Variants in ZCWPW2 observed in about 807,000 individuals in gnomAD.
The protein encoded by ZCWPW2 is zinc finger CW-type and PWWP domain containing 2, also known as zinc finger CW-type PWWP domain protein 2.
A neutral mutation model predicts 46.6 loss-of-function variants in ZCWPW2; 45 were observed. That is an observed-to-expected ratio of 0.96 (90% CI 0.76 to 1.24). The LOEUF is 1.24. Ranked by LOEUF, ZCWPW2 falls within the 50% of genes most tolerant of loss-of-function variation. The probability of loss-of-function intolerance (pLI) is 0.00; values close to 1 mark genes in which losing one functional copy is unlikely to be tolerated. For synonymous variants in ZCWPW2, 152 were observed against 137.1 expected (o/e 1.11, Z -0.76); for missense variants, 429 against 403.9 (o/e 1.06, Z -0.53).
In ZCWPW2 at chr3:28,411,668, A is replaced by T. The variant is rs548871462; in HGVS notation, c.-13-1388A>T. The stretch of plus-strand genomic sequence containing the variant: ...CTGGCTCCAAAGTCTAACCTCAGTC[A>T]CTTCTGCTTTACTGACTGGTGACCC... On this transcript the variant is annotated intron_variant, in intron 2 of 9. Coordinates refer to ENST00000383768, the MANE Select transcript of ZCWPW2 (RefSeq NM_001040432.4). Among the ~76,000 whole-genome samples, 4 of 152,228 alleles carry T rather than the reference A, an allele frequency of 2.6e-5. No homozygotes were observed. In the South Asian group the frequency reaches 8.3e-4, roughly 31 times the overall value.
chr3:28,403,207 A>T (rs991846765), intron 2 of ZCWPW2, among the ~76,000 whole-genome samples: 1 of 152,204 alleles, frequency 6.6e-6, no homozygotes, highest in African/African-American at 2.4e-5. Flanking sequence ...AAGTTTCAGG[A>T]TACAGAATTA....
intron 4 of ZCWPW2, among the ~76,000 whole-genome samples, chr3:28,449,528 G>T (rs1166795366): frequency 6.6e-6 from 1 of 152,134 alleles, no homozygotes; most frequent in Non-Finnish European, 1.5e-5. Context: ...GGGAAGTAGA[G>T]AATAGGAAGT....
chr3:28,446,253 T>G (rs1190906361), intron 4 of ZCWPW2, among the ~76,000 whole-genome samples: 1 of 152,142 alleles, frequency 6.6e-6, no homozygotes, highest in Non-Finnish European at 1.5e-5. Flanking sequence ...GGACATTTTC[T>G]ACAATAGATG....
At chr3:28,381,988 C>T (rs781560829) in intron 1 of ZCWPW2, among the ~76,000 whole-genome samples, 1 of 152,004 alleles carries the variant, frequency 6.6e-6, no homozygotes, top group Admixed American at 6.5e-5. Context: ...CATGGAGAAG[C>T]CCCATCTCTA....
Position 28,378,122 on chromosome 3 carries a change from A to G in ZCWPW2, c.-133-12376A>G, listed in dbSNP as rs1276770183. Among the ~76,000 whole-genome samples, 6 of 152,234 alleles carry G rather than the reference A, an allele frequency of 3.9e-5. No homozygotes were observed. The East Asian group carries it at 9.6e-4, about 24-fold the overall frequency. On this transcript the variant is annotated intron_variant, in intron 1 of 9. Coordinates refer to ENST00000383768, the MANE Select transcript of ZCWPW2 (RefSeq NM_001040432.4). ...TGCATAAACTAGTCTCTGAATAATA[A>G]CAGTTTTGCATAGATACAGGCTCTT... is the stretch of plus-strand genomic sequence containing the variant.
chr3:28,448,415 G>A lies in ZCWPW2; in HGVS notation c.492+13146G>A, dbSNP rs180880949. On this transcript the variant is annotated intron_variant, in intron 4 of 9. Transcript: ENST00000383768. ...TGTACAATGAAAACTACAAAACATT[G>A]GTGAACAAAGTTAAAGAAGATATAA... 6.3e-4 allele frequency among the ~76,000 whole-genome samples: 96 copies of A among 152,024 alleles called. 1 individual carries two copies. The highest frequency in any genetic ancestry group is 2.2e-3 in the African/African-American group (92 of 41,464).
In ZCWPW2 at chr3:28,367,793, G is replaced by A. The variant is rs182231981; in HGVS notation, c.-134+18590G>A. On this transcript the variant is annotated intron_variant, in intron 1 of 9. Coordinates refer to ENST00000383768, the MANE Select transcript of ZCWPW2 (RefSeq NM_001040432.4). ...GTGTGGGAGTCTAAGTCTCTTTGTA[G>A]GTCTCTAAGGACTTGCTTTATGAAT... Among the ~76,000 whole-genome samples the A allele has an allele frequency of 2.5e-3, 387 of 152,162 alleles. 1 individual carries two copies. Among genetic ancestry groups the A allele is most frequent in the African/African-American group, 8.5e-3 (351 of 41,492 alleles).
intron 1 of ZCWPW2, among the ~76,000 whole-genome samples, chr3:28,370,440 A>G (rs947203874): frequency 2.6e-5 from 4 of 152,240 alleles, no homozygotes; most frequent in African/African-American, 9.6e-5. Context: ...AACTAGCTAC[A>G]AGCAATAGCA....
chr3:28,366,729 T>C (rs1449337315), intron 1 of ZCWPW2, among the ~76,000 whole-genome samples: 1 of 152,214 alleles, frequency 6.6e-6, no homozygotes, highest in Non-Finnish European at 1.5e-5. Context: ...TACCAGCTCC[T>C]CCTTGTACCT....
intron 2 of ZCWPW2, among the ~76,000 whole-genome samples, chr3:28,410,403 A>G (rs905393450): frequency 6.8e-5 from 9 of 133,320 alleles, no homozygotes; most frequent in African/African-American, 2.6e-4. Flanking sequence ...CTTGCACCCA[A>G]CAATTGAAAA....
intron 2 of ZCWPW2, among the ~76,000 whole-genome samples, chr3:28,408,032 A>G (rs993232440): frequency 2.0e-5 from 3 of 152,180 alleles, no homozygotes; most frequent in African/African-American, 4.8e-5. Flanking sequence ...TTTATGATCT[A>G]TATTCTAAAT....
At chr3:28,503,532 A>C (rs1483963503) in intron 6 of ZCWPW2, among the ~76,000 whole-genome samples, 1 of 152,102 alleles carries the variant, frequency 6.6e-6, no homozygotes. Context: ...TCAATAGGTT[A>C]TTGATATAAT....
intron 5 of ZCWPW2, among the ~76,000 whole-genome samples, chr3:28,482,375 C>T (rs57098537): frequency 0.17 from 25,291 of 151,978 alleles, 2,486 homozygotes; most frequent in East Asian, 0.47. Context: ...CTGTATGTGC[C>T]GTGATTTTTT....
intron 6 of ZCWPW2, among the ~76,000 whole-genome samples, chr3:28,511,681 C>A (rs1229918017): frequency 1.3e-5 from 2 of 152,136 alleles, no homozygotes; most frequent in African/African-American, 4.8e-5. Flanking sequence ...AACCCCTTTT[C>A]CTCTTCCATT....
intron 4 of ZCWPW2, among the ~76,000 whole-genome samples, chr3:28,443,617 G>T (rs1351229595): frequency 6.6e-6 from 1 of 152,168 alleles, no homozygotes; most frequent in Admixed American, 6.5e-5. Flanking sequence ...CTTTGCTTCT[G>T]CTGTCCATTA....
intron 5 of ZCWPW2, among the ~76,000 whole-genome samples, chr3:28,490,167 TAAC>T (rs1450579586): frequency 1.3e-5 from 2 of 151,984 alleles, no homozygotes; most frequent in East Asian, 3.9e-4. Flanking sequence ...AGTCAAAAAA[TAAC>T]AAATACTGGC....
At chr3:28,369,773 G>A (rs956991945) in intron 1 of ZCWPW2, among the ~76,000 whole-genome samples, 6 of 152,224 alleles carry the variant, frequency 3.9e-5, no homozygotes, top group African/African-American at 1.4e-4. Context: ...TACAGAGGCA[G>A]GCAGGCCTCC....
At chr3:28,378,663 G>T (rs1705577630) in intron 1 of ZCWPW2, among the ~76,000 whole-genome samples, 3 of 152,060 alleles carry the variant, frequency 2.0e-5, no homozygotes, top group Admixed American at 2.0e-4. Context: ...GATACACATG[G>T]CCATGATTGT....
chr3:28,406,523 G>C (rs1222258442), intron 2 of ZCWPW2, among the ~76,000 whole-genome samples: 1 of 152,172 alleles, frequency 6.6e-6, no homozygotes, highest in Non-Finnish European at 1.5e-5. Flanking sequence ...ACTTTGAGAG[G>C]ATATTGACTG....
Sources: allele counts gnomAD v4.1 joint callset (sites outside exome capture counted in the v4.1 genomes callset), GRCh38; gene constraint gnomAD v4.1.1; transcripts MANE v1.5; gene names NCBI Gene and HGNC (gene_info 2026-07-23, HGNC 2026-07-21).